Variants in RPRD2 observed in about 807,000 individuals in gnomAD.
RPRD2 encodes regulation of nuclear pre-mRNA domain-containing protein 2.
RPRD2 carries 12 observed loss-of-function variants against 104.4 expected under a neutral mutation model. That is an observed-to-expected ratio of 0.11 (90% CI 0.07 to 0.19). The LOEUF is 0.19. Among genes scored for constraint, RPRD2 ranks in the 10% least tolerant of loss-of-function variants. The pLI, the probability that RPRD2 is intolerant of heterozygous loss-of-function variation, is 1.00. For missense variants in RPRD2, 1,543 were observed against 1,790.1 expected, an observed-to-expected ratio of 0.86 and a Z score of 2.49; for synonymous variants, 714 against 684.9, an observed-to-expected ratio of 1.04 and a Z score of -0.66.
chr1:150,447,683 G>T (rs1029602125), intron 7 of RPRD2, among the ~76,000 whole-genome samples: 1 of 152,124 alleles, frequency 6.6e-6, no homozygotes, highest in Admixed American at 6.6e-5. Context: ...TGATAAATGG[G>T]CATGTGTCTA....
Position 150,449,640 on chromosome 1 carries a change from A to G in RPRD2, c.870+3239A>G, listed in dbSNP as rs1195336129. 2.0e-5 allele frequency among the ~76,000 whole-genome samples: 3 copies of G among 151,494 alleles called. 1 individual carries two copies. The highest frequency in any genetic ancestry group is 7.3e-5 in the African/African-American group (3 of 41,160). ...TCACCTTTTTATAAGGATACCAGTC[A>G]TATTAGATTAGGGCCCATCCTGATG... is the stretch of plus-strand genomic sequence containing the variant. On this transcript the variant is annotated intron_variant, in intron 7 of 10. Transcript: ENST00000369068.
chr1:150,372,130 C>G (rs1432615405), intron 1 of RPRD2, among the ~76,000 whole-genome samples: 2 of 152,114 alleles, frequency 1.3e-5, no homozygotes, highest in Non-Finnish European at 2.9e-5. Context: ...TTTTTAATCA[C>G]ATATCATACA....
intron 1 of RPRD2, among the ~76,000 whole-genome samples, chr1:150,369,821 C>A (rs1237397572): frequency 6.6e-6 from 1 of 150,436 alleles, no homozygotes; most frequent in African/African-American, 2.4e-5. Context: ...CACTCTGTCG[C>A]CTAGGCTGGA....
intron 1 of RPRD2, among the ~76,000 whole-genome samples, chr1:150,394,015 C>A (rs1480813264): frequency 2.0e-5 from 3 of 151,856 alleles, no homozygotes; most frequent in Non-Finnish European, 4.4e-5. Flanking sequence ...GCTGGTGTTG[C>A]TGAATTAATG....
rs1394189264 is a variant in RPRD2, at chr1:150,372,138, A to G, written c.205+7219A>G. Among the ~76,000 whole-genome samples the G allele has an allele frequency of 9.9e-5, 15 of 152,226 alleles. 1 individual carries two copies. The highest frequency in any genetic ancestry group is 1.2e-4 in the African/African-American group (5 of 41,458). On this transcript the variant is annotated intron_variant, in intron 1 of 10. Coordinates refer to ENST00000369068, the MANE Select transcript of RPRD2 (RefSeq NM_015203.5). ...ATACAGCTTTTTAATCACATATCAT[A>G]CATAAACAAATTAGTAATACAGGTG...
At chr1:150,430,066 A>G (rs1156746213) in intron 2 of RPRD2, among the ~76,000 whole-genome samples, 1 of 152,214 alleles carries the variant, frequency 6.6e-6, no homozygotes, top group Non-Finnish European at 1.5e-5. Context: ...AAGGAATCCC[A>G]TAGGTTAAAA....
At position 150,473,827 on chromosome 1, in the gene RPRD2, T is replaced by G. The variant is rs1668761301; in HGVS notation, c.*493T>G. The G allele has an allele frequency of 6.6e-6, 1 of 152,460 alleles. No homozygotes were observed. 9.4% of individuals were successfully genotyped at this position (152,460 alleles called of 1,614,324 possible). On this transcript the variant is annotated 3_prime_UTR_variant, in exon 11 of 11. Coordinates refer to ENST00000369068, the MANE Select transcript of RPRD2 (RefSeq NM_015203.5). ...AACTGCTGTAGCCAGCTCGGCTCCCTTCCCTGTGTATCTGTGTCCTGCTAA... is the reference window on the plus strand; with the variant it reads ...AACTGCTGTAGCCAGCTCGGCTCCCGTCCCTGTGTATCTGTGTCCTGCTAA...
At position 150,472,146 on chromosome 1, in the gene RPRD2, C is replaced by T. The variant is rs769443803; in HGVS notation, c.3198C>T (p.Arg1066=). Residue 1066 remains arginine, a synonymous_variant, in exon 11 of 11, where the codon CGC becomes CGT. Coordinates refer to ENST00000369068, the MANE Select transcript of RPRD2 (RefSeq NM_015203.5). ...AAGAGCACTACCGCATAGAAACCCG[C>T]GTCTCCTCCTCCTGCTTAGACTTGC... ...QQEEHYRIET[R]VSSSCLDLPD... The T allele has an allele frequency of 1.0e-4, 163 of 1,613,874 alleles. No individual in the cohort carries two copies. The highest frequency in any genetic ancestry group is 6.8e-4 in the South Asian group (62 of 91,082).
At chr1:150,435,862 G>A (rs1370200899) in intron 2 of RPRD2, among the ~76,000 whole-genome samples, 2 of 152,194 alleles carry the variant, frequency 1.3e-5, no homozygotes, top group Admixed American at 1.3e-4. Context: ...TGCCATGTAG[G>A]ACTCTCATAG....
chr1:150,418,056 C>T (rs1380155498), intron 2 of RPRD2, among the ~76,000 whole-genome samples: 6 of 152,066 alleles, frequency 3.9e-5, no homozygotes, highest in Non-Finnish European at 7.4e-5. Context: ...CAGCCTCCGC[C>T]TCCCGGGTTC....
intron 1 of RPRD2, among the ~76,000 whole-genome samples, chr1:150,373,585 CATTT>C (rs1464388752): frequency 2.5e-5 from 3 of 121,392 alleles, no homozygotes; most frequent in Middle Eastern, 7.0e-3. Flanking sequence ...TAAGAGTTGA[CATTT>C]ATTGATATGG....
At chr1:150,459,593 C>CTT (rs138250082) in intron 8 of RPRD2, among the ~76,000 whole-genome samples, 10 of 137,832 alleles carry the variant, frequency 7.3e-5, no homozygotes, top group African/African-American at 1.6e-4. Context: ...AAATTGCTTG[C>CTT]TTTTTTTTTT....
chr1:150,426,843 A>G (rs1665162850), intron 2 of RPRD2, among the ~76,000 whole-genome samples: 1 of 152,210 alleles, frequency 6.6e-6, no homozygotes, highest in South Asian at 2.1e-4. Flanking sequence ...ATTTAATTGT[A>G]CACTTGAAAA....
chr1:150,364,563 C>T lies in RPRD2; in HGVS notation c.-152C>T. 1 of 589,674 alleles carries T rather than the reference C, an allele frequency of 1.7e-6. No homozygotes were observed. The highest frequency in any genetic ancestry group is 3.0e-6 in the Non-Finnish European group (1 of 336,512). The allele number at this position is 589,674 out of a possible 1,614,324, so 36.5% of individuals were successfully genotyped here. ...GCAGCTGGTGTTCCCGTCCGTACCT[C>T]CAGAAGAGCCCAGCGCGTGCACCAT... On this transcript the variant is annotated 5_prime_UTR_variant, in exon 1 of 11. Transcript: ENST00000369068.
chr1:150,439,473 C>T lies in RPRD2; in HGVS notation c.336-1450C>T, dbSNP rs373985630. 1.2e-4 allele frequency among the ~76,000 whole-genome samples: 18 copies of T among 151,958 alleles called. No individual in the cohort carries two copies. The East Asian group carries it at 3.3e-3, about 28-fold the overall frequency. On this transcript the variant is annotated intron_variant, in intron 2 of 10. Coordinates refer to ENST00000369068, the MANE Select transcript of RPRD2 (RefSeq NM_015203.5). The stretch of plus-strand genomic sequence containing the variant: ...TCAGCCTCGACAACTGAGTGAGACC[C>T]TGTCTCAAAAAAAAAGAAAATTGTA...
intron 3 of RPRD2, 38 bp downstream of exon 3, chr1:150,441,061 G>A (rs1468155892): frequency 9.6e-7 from 1 of 1,046,808 alleles, no homozygotes; most frequent in Non-Finnish European, 1.4e-6. Context: ...AAATTTTTGA[G>A]TCAGTCTTTA....
At chr1:150,379,127 A>C (rs1459120692) in intron 1 of RPRD2, among the ~76,000 whole-genome samples, 9 of 151,186 alleles carry the variant, frequency 6.0e-5, no homozygotes, top group South Asian at 2.1e-4. Flanking sequence ...CTAAAAAAAA[A>C]CAAAAATTAG....
intron 1 of RPRD2, among the ~76,000 whole-genome samples, chr1:150,399,268 T>C (rs1374922571): frequency 6.6e-6 from 1 of 152,168 alleles, no homozygotes; most frequent in Non-Finnish European, 1.5e-5. Flanking sequence ...CCTCCCAAAG[T>C]GCTGGGATTA....
chr1:150,452,268 G>A (rs1246427560), intron 7 of RPRD2, among the ~76,000 whole-genome samples: 1 of 152,072 alleles, frequency 6.6e-6, no homozygotes, highest in African/African-American at 2.4e-5. Flanking sequence ...ATCAAGGATT[G>A]ATGGGCACCA....
Sources: allele counts gnomAD v4.1 joint callset (sites outside exome capture counted in the v4.1 genomes callset), GRCh38; gene constraint gnomAD v4.1.1; transcripts MANE v1.5; gene names NCBI Gene and HGNC (gene_info 2026-07-23, HGNC 2026-07-21).